Variants in IL1RAP observed in about 807,000 individuals in gnomAD.
IL1RAP encodes interleukin 1 receptor accessory protein, also known as interleukin-1 receptor accessory protein.
In IL1RAP, 35 loss-of-function variants were observed where a neutral mutation model predicts 60.7. The observed-to-expected ratio is 0.58, with a 90% CI of 0.44 to 0.76. The LOEUF (loss-of-function observed/expected upper bound fraction) is 0.76, where lower values mean the gene tolerates loss of function less well. IL1RAP is among the 30% of genes least tolerant of loss of function. The pLI, the probability that IL1RAP is intolerant of heterozygous loss-of-function variation, is 0.00. For missense variants in IL1RAP, 572 were observed against 693.9 expected (o/e 0.82, Z 1.97); for synonymous variants, 268 against 250.9 (o/e 1.07, Z -0.64).
At chr3:190,608,349 T>C (rs1447438932) in intron 4 of IL1RAP, among the ~76,000 whole-genome samples, 1 of 152,160 alleles carries the variant, frequency 6.6e-6, no homozygotes, top group African/African-American at 2.4e-5. Flanking sequence ...AGGATTTGTG[T>C]ACCTAATCTG....
At chr3:190,656,425 C>CGG, downstream of IL1RAP, 1 of 1,537,176 alleles carries the variant, frequency 6.5e-7, no homozygotes, top group Non-Finnish European at 8.7e-7. Context: ...GAACAAGAGC[C>CGG]GGGCAGAGAT....
chr3:190,588,559 C>T (rs1728670278), intron 3 of IL1RAP, among the ~76,000 whole-genome samples: 1 of 152,230 alleles, frequency 6.6e-6, no homozygotes, highest in Admixed American at 6.5e-5. Flanking sequence ...CACATGCACA[C>T]ACACACAAGA....
intron 9 of IL1RAP, among the ~76,000 whole-genome samples, chr3:190,639,223 T>G (rs1733465710): frequency 6.6e-6 from 1 of 152,166 alleles, no homozygotes; most frequent in Non-Finnish European, 1.5e-5. Flanking sequence ...GCTTTCCCCC[T>G]CACTCTTTCT....
intron 9 of IL1RAP, chr3:190,630,174 TTTA>T: frequency 2.6e-6 from 2 of 774,598 alleles, no homozygotes; most frequent in Non-Finnish European, 3.1e-6. Flanking sequence ...ATGAAAATCA[TTTA>T]AATTATGATT....
At position 190,604,556 on chromosome 3, in the gene IL1RAP, A is replaced by G. The variant is rs961462548; in HGVS notation, c.350+143A>G. 9 of 834,648 alleles carry G rather than the reference A, an allele frequency of 1.1e-5. No individual in the cohort carries two copies. In the African/African-American group the frequency reaches 1.4e-4, roughly 13 times the overall value. The allele number at this position is 834,648 out of a possible 1,614,324, so 51.7% of individuals were successfully genotyped here. A position where few individuals can be genotyped will look rare whatever the true frequency, so the allele number is the denominator to read the frequency against. On this transcript the variant is annotated intron_variant, in intron 4 of 11. Transcript: ENST00000447382. ...GAGGTAATTGTCTGCAGCTTAGCTG[A>G]AGGGGTCTGAAGGAGGTATGCAGAG... is the stretch of plus-strand genomic sequence containing the variant.
intron 3 of IL1RAP, among the ~76,000 whole-genome samples, chr3:190,591,377 G>A (rs939993873): frequency 1.3e-5 from 2 of 152,172 alleles, no homozygotes; most frequent in African/African-American, 4.8e-5. Context: ...CCTAGGGAAA[G>A]CAGTTGTTTT....
At chr3:190,635,520 A>T (rs922986903) in intron 9 of IL1RAP, among the ~76,000 whole-genome samples, 1 of 152,316 alleles carries the variant, frequency 6.6e-6, no homozygotes, top group African/African-American at 2.4e-5. Flanking sequence ...TAGTTTAACT[A>T]AATCCAACAA....
At chr3:190,548,111 C>A (rs898871383) in intron 1 of IL1RAP, among the ~76,000 whole-genome samples, 3 of 152,138 alleles carry the variant, frequency 2.0e-5, no homozygotes, top group East Asian at 1.9e-4. Context: ...TGCCTTGGAT[C>A]CATTCAAGTC....
chr3:190,599,140 G>T (rs1309471782), intron 3 of IL1RAP, among the ~76,000 whole-genome samples: 1 of 152,030 alleles, frequency 6.6e-6, no homozygotes, highest in Non-Finnish European at 1.5e-5. Flanking sequence ...CCAAGCCCTG[G>T]TGCATAAATT....
intron 1 of IL1RAP, among the ~76,000 whole-genome samples, chr3:190,554,060 CAAAAAAAAAAAAAAA>C (rs1166716731): frequency 1.1e-5 from 1 of 87,908 alleles, no homozygotes; most frequent in African/African-American, 5.1e-5. Context: ...GACTCCGTCT[CAAAAAAAAAAAAAAA>C]AAAAAAAAAA....
intron 6 of IL1RAP, among the ~76,000 whole-genome samples, chr3:190,621,097 A>C (rs1382925247): frequency 1.3e-5 from 2 of 152,184 alleles, no homozygotes; most frequent in Non-Finnish European, 2.9e-5. Flanking sequence ...GCTTTTGGGG[A>C]TTACCCCTAA....
rs149694817 is a variant in IL1RAP, at chr3:190,604,327, C to T, written c.264C>T (p.Pro88=). The T allele has an allele frequency of 1.1e-4, 174 of 1,613,842 alleles. No homozygotes were observed. The highest frequency in any genetic ancestry group is 1.1e-4 in the Non-Finnish European group (128 of 1,179,976). ...AGGAGCCAATTAACTTCCGCCTCCC[C>T]GAGAACCGCATTAGTAAGGAGAAAG... ...DLEEPINFRL[P]ENRISKEKDV... is the part of the protein sequence containing the mutation. Residue 88 remains proline, a synonymous_variant, in exon 4 of 12, where the codon CCC becomes CCT. Coordinates refer to ENST00000447382, the MANE Select transcript of IL1RAP (RefSeq NM_002182.4).
chr3:190,627,252 G>GT, intron 7 of IL1RAP, 71 bp from the exon 8 acceptor site: 2 of 1,216,908 alleles, frequency 1.6e-6, no homozygotes, highest in Non-Finnish European at 2.2e-6. Context: ...CTTTGTCTTT[G>GT]TTTTTTGTTT....
Position 190,648,463 on chromosome 3 carries a change from G to T in IL1RAP, c.1471G>T (p.Ala491Ser). Residue 491 changes from alanine to serine, a missense_variant, in exon 12 of 12, where the codon GCC (alanine) becomes TCC (serine). By Grantham distance (99) the Ala-to-Ser change is moderately conservative. Coordinates refer to ENST00000447382, the MANE Select transcript of IL1RAP (RefSeq NM_002182.4). ...GCTCAAGGCTGGCCTAGAAAATATG[G>T]CCTCTCGGGGCAACATCAACGTCAT... ...LELKAGLENM[A>S]SRGNINVILV... 6.2e-7 allele frequency: 1 copy of T among 1,614,124 alleles called. No individual in the cohort carries two copies. Among genetic ancestry groups the T allele is most frequent in the Non-Finnish European group, 8.5e-7 (1 of 1,180,020 alleles).
At chr3:190,632,412 C>G (rs1732862235) in intron 9 of IL1RAP, among the ~76,000 whole-genome samples, 1 of 152,150 alleles carries the variant, frequency 6.6e-6, no homozygotes, top group East Asian at 1.9e-4. Flanking sequence ...TGTGAAGTAT[C>G]TGTTAAAATG....
At chr3:190,550,973 A>G (rs1724811062) in intron 1 of IL1RAP, among the ~76,000 whole-genome samples, 1 of 152,190 alleles carries the variant, frequency 6.6e-6, no homozygotes, top group East Asian at 1.9e-4. Flanking sequence ...TTCTACATAC[A>G]CCTTTTAGAT....
At position 190,649,383 on chromosome 3, in the gene IL1RAP, C is replaced by T; in HGVS notation, c.*678C>T. ...ATATTTCTTAATTTTTGTTTTTGCT[C>T]CAGTCAATTCCTGATTATCCACAGG... On this transcript the variant is annotated 3_prime_UTR_variant, in exon 12 of 12. Coordinates refer to ENST00000447382, the MANE Select transcript of IL1RAP (RefSeq NM_002182.4). The T allele has an allele frequency of 1.0e-6, 1 of 985,658 alleles. No homozygotes were observed. The highest frequency in any genetic ancestry group is 1.2e-6 in the Non-Finnish European group (1 of 829,834). 61.1% of individuals were successfully genotyped at this position (985,658 alleles called of 1,614,324 possible).
chr3:190,594,701 G>A lies in IL1RAP; in HGVS notation c.65-9427G>A, dbSNP rs773062463. Reference sequence around the variant, plus strand: ...CACTCTATTGGGAAGGGGCGTGTGAGGCATGGAAATGGGGCATGTCTAGCA... The same window carrying A: ...CACTCTATTGGGAAGGGGCGTGTGAAGCATGGAAATGGGGCATGTCTAGCA... On this transcript the variant is annotated intron_variant, in intron 3 of 11. Transcript: ENST00000447382. 3.8e-4 allele frequency among the ~76,000 whole-genome samples: 58 copies of A among 152,192 alleles called. 1 individual carries two copies. The highest frequency in any genetic ancestry group is 1.3e-4 in the Non-Finnish European group (9 of 68,036).
Position 190,648,429 on chromosome 3 carries a change from C to T in IL1RAP, c.1437C>T (p.Ala479=). Residue 479 remains alanine, a synonymous_variant, in exon 12 of 12, where the codon GCC becomes GCT. Transcript: ENST00000447382. ...SPNYVLQGTQ[A]LLELKAGLEN... is the part of the protein sequence containing the mutation. ...ACTACGTGCTCCAGGGAACCCAAGC[C>T]CTCCTGGAGCTCAAGGCTGGCCTAG... The T allele has an allele frequency of 1.2e-6, 2 of 1,614,100 alleles. No individual in the cohort carries two copies. The highest frequency in any genetic ancestry group is 2.7e-5 in the African/African-American group (2 of 75,018).
Sources: gnomAD v4.1 joint callset for allele counts (sites outside exome capture counted in the v4.1 genomes callset) on GRCh38, gnomAD v4.1.1 for gene constraint, MANE v1.5 for transcripts, NCBI Gene and HGNC (gene_info 2026-07-23, HGNC 2026-07-21) for gene names.